KYNU: variants seen among roughly 807,000 people sequenced by gnomAD.
KYNU encodes kynureninase, also known as L-kynurenine hydrolase.
In KYNU, 54 loss-of-function variants were observed where a neutral mutation model predicts 59.2. The observed-to-expected ratio is 0.91, with a 90% confidence interval of 0.73 to 1.14. KYNU has a LOEUF of 1.14. KYNU is among the 50% of genes most tolerant of loss of function. The pLI is 0.00. For synonymous variants in KYNU, 177 were observed against 192.0 expected (o/e 0.92, Z 0.65); for missense variants, 567 against 554.4 (o/e 1.02, Z -0.23).
chr2:142,927,527 C>A, intron 3 of KYNU, 132 bp from the exon 4 acceptor site: 3 of 643,540 alleles, frequency 4.7e-6, no homozygotes, highest in Non-Finnish European at 5.6e-6. Flanking sequence ...TTTAAAAAGG[C>A]CTGATTTTAT....
At chr2:142,928,484 G>A (rs1683109539) in intron 4 of KYNU, among the ~76,000 whole-genome samples, 3 of 151,972 alleles carry the variant, frequency 2.0e-5, no homozygotes, top group Admixed American at 1.3e-4. Context: ...TCTCTTATAA[G>A]CAAACATAAA....
chr2:143,049,310 A>G lies in KYNU; in HGVS notation c.*7138A>G, dbSNP rs1687223826. ...TTTCGAATGTGCTTCTGCTTTAGGCATTAGTAGTGGACATTCTGGTTCCCC... is the reference window on the plus strand; with the variant it reads ...TTTCGAATGTGCTTCTGCTTTAGGCGTTAGTAGTGGACATTCTGGTTCCCC... On this transcript the variant is annotated 3_prime_UTR_variant, in exon 14 of 14. Coordinates refer to ENST00000264170, the MANE Select transcript of KYNU (RefSeq NM_003937.3). 2 of 152,122 alleles carry G rather than the reference A, an allele frequency of 1.3e-5. No homozygotes were observed. Among genetic ancestry groups the G allele is most frequent in the South Asian group, 4.1e-4 (2 of 4,832 alleles). 9.4% of individuals were successfully genotyped at this position (152,122 alleles called of 1,614,324 possible). A position where few individuals can be genotyped will look rare whatever the true frequency, so the allele number is the denominator to read the frequency against.
At chr2:142,964,396 A>G (rs901571902) in intron 8 of KYNU, among the ~76,000 whole-genome samples, 1 of 152,166 alleles carries the variant, frequency 6.6e-6, no homozygotes, top group Non-Finnish European at 1.5e-5. Flanking sequence ...TTGTTCTTCT[A>G]CCAGCATATA....
At chr2:143,023,770 A>G (rs1262939038) in intron 10 of KYNU, among the ~76,000 whole-genome samples, 2 of 151,912 alleles carry the variant, frequency 1.3e-5, no homozygotes, top group African/African-American at 4.8e-5. Context: ...AACCTTAAAT[A>G]TCAAAATAAG....
chr2:142,967,697 A>G (rs1408581627), intron 8 of KYNU, among the ~76,000 whole-genome samples: 1 of 152,160 alleles, frequency 6.6e-6, no homozygotes, highest in Admixed American at 6.6e-5. Flanking sequence ...TTTTAAAAAC[A>G]ATTTTGAGTT....
At chr2:142,951,110 C>T (rs183226115) in intron 4 of KYNU, among the ~76,000 whole-genome samples, 58 of 152,046 alleles carry the variant, frequency 3.8e-4, no homozygotes, top group Admixed American at 7.2e-4. Context: ...TCATTGATCA[C>T]GGAAATAATA....
chr2:142,952,688 C>T (rs1441742619), intron 4 of KYNU, among the ~76,000 whole-genome samples: 1 of 152,138 alleles, frequency 6.6e-6, no homozygotes, highest in African/African-American at 2.4e-5. Flanking sequence ...TTCCTCCTGC[C>T]TCAGCCTACC....
intron 10 of KYNU, among the ~76,000 whole-genome samples, chr2:142,990,661 A>C (rs73964613): frequency 0.046 from 7,052 of 151,902 alleles, 526 homozygotes; most frequent in African/African-American, 0.16. Context: ...AAACCTCCAC[A>C]TGTGCCCATT....
intron 10 of KYNU, among the ~76,000 whole-genome samples, chr2:143,012,007 T>TA (rs1270018250): frequency 2.0e-5 from 3 of 146,936 alleles, no homozygotes; most frequent in Admixed American, 1.4e-4. Context: ...GGCACATGTA[T>TA]ACATATGTAA....
At chr2:142,942,540 C>A (rs1683639576) in intron 4 of KYNU, among the ~76,000 whole-genome samples, 1 of 151,978 alleles carries the variant, frequency 6.6e-6, no homozygotes, top group Admixed American at 6.5e-5. Flanking sequence ...TTTCTACTTG[C>A]TAGGGTTACT....
rs548620847 is a variant in KYNU at position 143,051,785 on chromosome 2, A to G, written c.*9613A>G. 6.6e-6 allele frequency: 1 copy of G among 152,486 alleles called. No individual in the cohort carries two copies. Among genetic ancestry groups the G allele is most frequent in the Non-Finnish European group, 1.5e-5 (1 of 68,170 alleles). The allele number at this position is 152,486 out of a possible 1,614,324, so 9.4% of individuals were successfully genotyped here. On this transcript the variant is annotated 3_prime_UTR_variant, in exon 14 of 14. Transcript: ENST00000264170. ...TTTTGTAAATTGCCCAGTCTCAGGTATGTCTTTATCAGCAGCCTGAAAACT... is the reference window on the plus strand; with the variant it reads ...TTTTGTAAATTGCCCAGTCTCAGGTGTGTCTTTATCAGCAGCCTGAAAACT...
At chr2:142,981,681 C>G (rs1321458080) in intron 8 of KYNU, among the ~76,000 whole-genome samples, 1 of 152,042 alleles carries the variant, frequency 6.6e-6, no homozygotes, top group African/African-American at 2.4e-5. Context: ...ATAAATTAAT[C>G]TCCCTTCCTC....
chr2:143,026,210 T>A (rs1225194105), intron 10 of KYNU, among the ~76,000 whole-genome samples: 1 of 152,252 alleles, frequency 6.6e-6, no homozygotes, highest in African/African-American at 2.4e-5. Flanking sequence ...ATCTCTATTT[T>A]AATCTTTTTG....
chr2:143,005,597 A>C (rs938098882), intron 10 of KYNU, among the ~76,000 whole-genome samples: 4 of 152,140 alleles, frequency 2.6e-5, no homozygotes, highest in African/African-American at 9.7e-5. Context: ...CAATAGTATA[A>C]ATATATATAG....
At chr2:142,974,706 A>G (rs1198452899) in intron 8 of KYNU, among the ~76,000 whole-genome samples, 1 of 152,360 alleles carries the variant, frequency 6.6e-6, no homozygotes, top group South Asian at 2.1e-4. Flanking sequence ...TAAAAAATGT[A>G]AAGGCTCTCC....
intron 11 of KYNU, among the ~76,000 whole-genome samples, chr2:143,031,698 C>T (rs1472770421): frequency 1.3e-5 from 2 of 152,066 alleles, no homozygotes; most frequent in Non-Finnish European, 2.9e-5. Flanking sequence ...GCACTCAGGC[C>T]TGGGTAACAG....
chr2:143,026,552 A>G (rs1686569409), intron 10 of KYNU, among the ~76,000 whole-genome samples: 2 of 152,052 alleles, frequency 1.3e-5, no homozygotes, highest in African/African-American at 4.8e-5. Flanking sequence ...AACCCCACTC[A>G]CTCGGACCTG....
intron 1 of KYNU, among the ~76,000 whole-genome samples, chr2:142,878,648 G>A (rs541632104): frequency 1.3e-5 from 2 of 152,256 alleles, no homozygotes; most frequent in African/African-American, 4.8e-5. Context: ...ATCAGTGGGT[G>A]ACTAGGAGAT....
chr2:142,966,276 A>G (rs1037726472), intron 8 of KYNU, among the ~76,000 whole-genome samples: 1 of 152,230 alleles, frequency 6.6e-6, no homozygotes, highest in Non-Finnish European at 1.5e-5. Context: ...TGCATCGGGC[A>G]GGAATTAACT....
Sources: gnomAD v4.1 joint callset for allele counts (sites outside exome capture counted in the v4.1 genomes callset) on GRCh38, gnomAD v4.1.1 for gene constraint, MANE v1.5 for transcripts, NCBI Gene and HGNC (gene_info 2026-07-23, HGNC 2026-07-21) for gene names.